Variants in RAPGEF2 observed in about 807,000 individuals in gnomAD.
The protein encoded by RAPGEF2 is PDZ domain containing guanine nucleotide exchange factor (GEF) 1.
A neutral mutation model predicts 186.7 loss-of-function variants in RAPGEF2; 54 were observed. That is an observed-to-expected ratio of 0.29 (90% confidence interval 0.23 to 0.36). The LOEUF is 0.36. Among genes scored for constraint, RAPGEF2 ranks in the 10% least tolerant of loss-of-function variants. The probability of loss-of-function intolerance (pLI) is 1.00; values close to 1 mark genes in which losing one functional copy is unlikely to be tolerated. For synonymous variants in RAPGEF2, 712 were observed against 705.9 expected (o/e 1.01, Z -0.14); for missense variants, 1,532 against 2,045.0 (o/e 0.75, Z 4.84).
chr4:159,341,421 G>A, intron 19 of RAPGEF2, 143 bp from the exon 20 acceptor site: 1 of 805,086 alleles, frequency 1.2e-6, no homozygotes, highest in Non-Finnish European at 1.9e-6. Flanking sequence ...CAGCTGTGCT[G>A]TCTGTCTTGG....
chr4:159,266,023 G>A (rs1229705105), intron 7 of RAPGEF2, among the ~76,000 whole-genome samples: 2 of 152,196 alleles, frequency 1.3e-5, no homozygotes, highest in African/African-American at 4.8e-5. Flanking sequence ...TGGTTGGGAA[G>A]TGGAGGAAGA....
At chr4:159,322,248 G>A (rs1339780322) in intron 9 of RAPGEF2, 99 bp from the exon 10 acceptor site, 6 of 1,098,038 alleles carry the variant, frequency 5.5e-6, no homozygotes, top group Non-Finnish European at 7.8e-6. Context: ...AAGCAAAATT[G>A]TAGGGCATTT....
Position 159,355,878 on chromosome 4 carries a change from G to GCGGC in RAPGEF2, c.4678_4679insGGCC (p.Pro1560ArgfsTer16). ...CACGAAAGGAGGGCAGGTATCGAGA[G>GCGGC]CCCCCGCCCACCCCTCCCGGCTACA... is the stretch of plus-strand genomic sequence containing the variant. On this transcript the variant is annotated frameshift_variant, in exon 29 of 30. Coordinates refer to ENST00000691494, the MANE Select transcript of RAPGEF2 (RefSeq NM_001394067.2). LOFTEE classifies it high-confidence loss of function. The GCGGC allele has an allele frequency of 2.6e-6, 4 of 1,515,850 alleles. No homozygotes were observed. The highest frequency in any genetic ancestry group is 1.2e-5 in the South Asian group (1 of 83,188). The allele number at this position is 1,515,850 out of a possible 1,614,324, so 93.9% of individuals were successfully genotyped here.
At chr4:159,217,205 C>T (rs1030619114) in intron 4 of RAPGEF2, among the ~76,000 whole-genome samples, 3 of 152,000 alleles carry the variant, frequency 2.0e-5, no homozygotes, top group Admixed American at 6.6e-5. Context: ...AGGGGGTACA[C>T]GTGCAGGTTT....
chr4:159,204,647 A>G (rs995950006), intron 3 of RAPGEF2, among the ~76,000 whole-genome samples: 8 of 152,222 alleles, frequency 5.3e-5, no homozygotes, highest in African/African-American at 1.9e-4. Flanking sequence ...GATGAAAAAC[A>G]GAAACAGGAG....
Position 159,358,223 on chromosome 4 carries a change from A to C in RAPGEF2, c.*84A>C. 7.6e-5 allele frequency: 107 copies of C among 1,402,086 alleles called. No homozygotes were observed. The highest frequency in any genetic ancestry group is 9.7e-5 in the Non-Finnish European group (99 of 1,015,740). The allele number at this position is 1,402,086 out of a possible 1,614,324, so 86.9% of individuals were successfully genotyped here. A position where few individuals can be genotyped will look rare whatever the true frequency, so the allele number is the denominator to read the frequency against. On this transcript the variant is annotated 3_prime_UTR_variant, in exon 30 of 30. Transcript: ENST00000691494. ...CCTGAGCATTGGAGCCTTGGAACTC[A>C]CATTCTGAGGACGGTGGACCAGTTT...
intron 8 of RAPGEF2, among the ~76,000 whole-genome samples, chr4:159,313,399 A>G (rs1160072077): frequency 6.6e-6 from 1 of 152,172 alleles, no homozygotes; most frequent in East Asian, 1.9e-4. Context: ...AGAATAATAA[A>G]AGTTAATAAT....
Position 159,193,261 on chromosome 4 carries a change from G to T in RAPGEF2, c.197+5G>T. Reference sequence around the variant, plus strand: ...AGCAAATGAAGTTTTATACTAGTAGGTGTTTCCTTTTTGTTTGTACAATGT... The same window carrying T: ...AGCAAATGAAGTTTTATACTAGTAGTTGTTTCCTTTTTGTTTGTACAATGT... On this transcript the variant is annotated splice_donor_5th_base_variant and intron_variant, in intron 3 of 29. Coordinates refer to ENST00000691494, the MANE Select transcript of RAPGEF2 (RefSeq NM_001394067.2). 6.8e-7 allele frequency: 1 copy of T among 1,478,776 alleles called. No homozygotes were observed. The highest frequency in any genetic ancestry group is 9.0e-7 in the Non-Finnish European group (1 of 1,115,884). The allele number at this position is 1,478,776 out of a possible 1,614,324, so 91.6% of individuals were successfully genotyped here.
chr4:159,336,075 C>A (rs1767376017), intron 17 of RAPGEF2, among the ~76,000 whole-genome samples: 1 of 151,776 alleles, frequency 6.6e-6, no homozygotes, highest in Admixed American at 6.6e-5. Context: ...AGTCTTTATG[C>A]CGGTTATATG....
chr4:159,321,679 C>A (rs1171095522), intron 9 of RAPGEF2, among the ~76,000 whole-genome samples: 1 of 152,176 alleles, frequency 6.6e-6, no homozygotes, highest in Non-Finnish European at 1.5e-5. Flanking sequence ...AAATAGAAAA[C>A]CCAGTACTTG....
intron 1 of RAPGEF2, among the ~76,000 whole-genome samples, chr4:159,185,325 C>A (rs971647329): frequency 2.6e-5 from 4 of 151,998 alleles, no homozygotes; most frequent in Non-Finnish European, 5.9e-5. Context: ...AGGTGTATAC[C>A]CGTGAGAATT....
intron 3 of RAPGEF2, among the ~76,000 whole-genome samples, chr4:159,206,582 TA>T (rs2111358950): frequency 6.6e-6 from 1 of 152,282 alleles, no homozygotes; most frequent in East Asian, 1.9e-4. Flanking sequence ...CATACACATG[TA>T]AAAACCCTCC....
At chr4:159,266,345 T>G (rs1199604121) in intron 7 of RAPGEF2, among the ~76,000 whole-genome samples, 1 of 152,174 alleles carries the variant, frequency 6.6e-6, no homozygotes, top group African/African-American at 2.4e-5. Flanking sequence ...CCAAAGTCAA[T>G]TATTAAAAAT....
At chr4:159,219,221 A>G (rs1427739670) in intron 4 of RAPGEF2, among the ~76,000 whole-genome samples, 1 of 152,196 alleles carries the variant, frequency 6.6e-6, no homozygotes, top group Non-Finnish European at 1.5e-5. Flanking sequence ...ACAAAGCATT[A>G]ACCTATGAAG....
At chr4:159,253,764 C>T (rs1023225791) in intron 7 of RAPGEF2, among the ~76,000 whole-genome samples, 7 of 151,862 alleles carry the variant, frequency 4.6e-5, no homozygotes, top group South Asian at 4.1e-4. Context: ...GTCAGGAGAT[C>T]GAGACCATCC....
At chr4:159,320,731 C>G (rs974101317) in intron 9 of RAPGEF2, among the ~76,000 whole-genome samples, 5 of 152,096 alleles carry the variant, frequency 3.3e-5, no homozygotes, top group Non-Finnish European at 5.9e-5. Flanking sequence ...AAAATATATT[C>G]ACAGAATATA....
intron 1 of RAPGEF2, among the ~76,000 whole-genome samples, chr4:159,152,427 A>C (rs191236601): frequency 2.6e-5 from 4 of 152,342 alleles, no homozygotes; most frequent in African/African-American, 9.6e-5. Context: ...TCCTGAATCT[A>C]TGAAATTCTT....
chr4:159,218,154 C>T (rs1369257914), intron 4 of RAPGEF2, among the ~76,000 whole-genome samples: 2 of 152,050 alleles, frequency 1.3e-5, no homozygotes, highest in Admixed American at 1.3e-4. Flanking sequence ...ATCCAAAAGG[C>T]ATAAAGATAA....
intron 4 of RAPGEF2, among the ~76,000 whole-genome samples, chr4:159,215,355 G>A (rs146511742): frequency 1.2e-3 from 174 of 150,082 alleles, no homozygotes; most frequent in African/African-American, 4.0e-3. Flanking sequence ...AAAATATTTT[G>A]GGGGAAAGAT....
Sources: gnomAD v4.1 joint callset for allele counts (sites outside exome capture counted in the v4.1 genomes callset) on GRCh38, gnomAD v4.1.1 for gene constraint, MANE v1.5 for transcripts, NCBI Gene and HGNC (gene_info 2026-07-23, HGNC 2026-07-21) for gene names.